Variants in IKZF4 observed in about 807,000 individuals in gnomAD.
The protein encoded by IKZF4 is IKAROS family zinc finger 4, also known as zinc finger protein Eos.
A neutral mutation model predicts 47.7 loss-of-function variants in IKZF4; 11 were observed. The ratio of observed to expected loss-of-function variants is 0.23; its 90% CI spans 0.15 to 0.38. The LOEUF is 0.38. Ranked by LOEUF, IKZF4 falls within the 10% of genes least tolerant of loss-of-function variation. The pLI is 1.00. For synonymous variants in IKZF4, 298 were observed against 299.4 expected, an observed-to-expected ratio of 1.00 and a Z score of 0.05; for missense variants, 557 against 784.9, an observed-to-expected ratio of 0.71 and a Z score of 3.47.
intron 3 of IKZF4, among the ~76,000 whole-genome samples, chr12:56,025,609 C>T (rs929270671): frequency 9.2e-5 from 14 of 152,108 alleles, no homozygotes; most frequent in African/African-American, 2.4e-4. Flanking sequence ...GAATGTAGGT[C>T]GGAGCTAGAG....
At chr12:56,023,559 T>A (rs1362421176) in intron 1 of IKZF4, 112 bp from the exon 2 acceptor site, 8 of 1,290,056 alleles carry the variant, frequency 6.2e-6, no homozygotes, top group Non-Finnish European at 8.4e-6. Context: ...TAGTGAACAT[T>A]TTTCCTCAGG....
Position 56,021,163 on chromosome 12 carries a change from C to G in IKZF4, c.-331C>G. On this transcript the variant is annotated 5_prime_UTR_variant, in exon 1 of 8. Coordinates refer to ENST00000547167, the MANE Select transcript of IKZF4 (RefSeq NM_022465.4). ...ACCCACCACCCACCCCCTTCACTGT[C>G]TTGGAAAAGGGATGCTGTAGCCTAG... 7.4e-7 allele frequency: 1 copy of G among 1,356,818 alleles called. No homozygotes were observed. Among genetic ancestry groups the G allele is most frequent in the Non-Finnish European group, 9.5e-7 (1 of 1,052,440 alleles). 84.0% of individuals were successfully genotyped at this position (1,356,818 alleles called of 1,614,324 possible). A position where few individuals can be genotyped will look rare whatever the true frequency, so the allele number is the denominator to read the frequency against.
At chr12:56,032,525 A>G (rs929794572) in intron 5 of IKZF4, 36 bp from the exon 6 acceptor site, 19 of 1,581,082 alleles carry the variant, frequency 1.2e-5, no homozygotes, top group Admixed American at 1.9e-5. Context: ...ACAGCGAGAA[A>G]TAGCTCTGAT....
chr12:56,024,041 T>C (rs1012980745), intron 2 of IKZF4: 1 of 595,990 alleles, frequency 1.7e-6, no homozygotes, highest in African/African-American at 2.0e-5. Flanking sequence ...TTATTTCACC[T>C]ATATATTTGT....
Position 56,034,823 on chromosome 12 carries a change from G to A in IKZF4, c.1250G>A (p.Gly417Glu), listed in dbSNP as rs750372073. Residue 417 changes from glycine to glutamate, a missense_variant, in exon 8 of 8, where the codon GGA (glycine) becomes GAA (glutamate). This residue lies in a region of IKZF4 where 280 missense variants were observed against 314.0 expected (regional missense o/e 0.89). Transcript: ENST00000547167. ...QPLPGRLELP[G>E]SREAGEGPED... ...CTCCCTGGTCGACTGGAGCTTCCAGGATCCCGAGAAGCAGGTGAGGGACCT... is the reference window on the plus strand; with the variant it reads ...CTCCCTGGTCGACTGGAGCTTCCAGAATCCCGAGAAGCAGGTGAGGGACCT... 7 of 1,613,962 alleles carry A rather than the reference G, an allele frequency of 4.3e-6. No homozygotes were observed. The highest frequency in any genetic ancestry group is 5.9e-6 in the Non-Finnish European group (7 of 1,179,882).
intron 7 of IKZF4, among the ~76,000 whole-genome samples, chr12:56,034,360 T>TA (rs557165424): frequency 5.3e-5 from 8 of 152,092 alleles, no homozygotes; most frequent in Non-Finnish European, 1.0e-4. Flanking sequence ...AATGAAGTAT[T>TA]AAAAATCAAT....
intron 3 of IKZF4, among the ~76,000 whole-genome samples, chr12:56,026,515 C>A: frequency 6.6e-6 from 1 of 151,778 alleles, no homozygotes; most frequent in East Asian, 2.0e-4. Context: ...CATGGAGAAA[C>A]CCTGTCTGTT....
chr12:56,028,634 G>A (rs557342943), intron 5 of IKZF4, among the ~76,000 whole-genome samples: 1 of 151,480 alleles, frequency 6.6e-6, no homozygotes, highest in Non-Finnish European at 1.5e-5. Flanking sequence ...CCAGGCTGGA[G>A]TGTAGTGGTG....
rs927695238 is a variant in IKZF4 at position 56,021,398 on chromosome 12, C to A, written c.-96C>A. 12 of 1,550,338 alleles carry A rather than the reference C, an allele frequency of 7.7e-6. No individual in the cohort carries two copies. The African/African-American group carries it at 1.4e-4, about 18-fold the overall frequency. The stretch of plus-strand genomic sequence containing the variant: ...CTGCTCACCGTGCCGCTGCTGCTGC[C>A]TGCGAAATGACGGCGGTTCCCCTCA... On this transcript the variant is annotated 5_prime_UTR_variant, in exon 1 of 8. It adds an upstream start codon to the 5' untranslated region. Transcript: ENST00000547167.
chr12:56,020,905 GA>G, upstream of IKZF4: 1 of 992,118 alleles, frequency 1.0e-6, no homozygotes. Context: ...TGAGAGCCTT[GA>G]AGCTGTCCGT....
intron 5 of IKZF4, among the ~76,000 whole-genome samples, chr12:56,031,444 T>C (rs1251922320): frequency 6.6e-6 from 1 of 152,166 alleles, no homozygotes; most frequent in African/African-American, 2.4e-5. Flanking sequence ...CTCTCCCAGA[T>C]GTTAAACTGT....
chr12:56,025,294 G>C, intron 3 of IKZF4, 136 bp downstream of exon 3: 1 of 983,786 alleles, frequency 1.0e-6, no homozygotes, highest in Non-Finnish European at 1.5e-6. Flanking sequence ...AGAGCAATGA[G>C]GAGCCCAGTG....
At position 56,038,435 on chromosome 12, in the gene IKZF4, C is replaced by T. The variant is rs1895800460; in HGVS notation, c.*3104C>T. On this transcript the variant is annotated 3_prime_UTR_variant, in exon 8 of 8. Transcript: ENST00000547167. ...TAAATAAACATGAGTAATTTAACAC[C>T]TCTGGTTGTTTTTGCAGACTTCCTT... 1 of 152,548 alleles carries T rather than the reference C, an allele frequency of 6.6e-6. No individual in the cohort carries two copies. The highest frequency in any genetic ancestry group is 1.5e-5 in the Non-Finnish European group (1 of 68,034). The allele number at this position is 152,548 out of a possible 1,614,324, so 9.4% of individuals were successfully genotyped here. A position where few individuals can be genotyped will look rare whatever the true frequency, so the allele number is the denominator to read the frequency against.
chr12:56,017,934 C>T (rs1311038913), upstream of IKZF4, among the ~76,000 whole-genome samples: 1 of 152,184 alleles, frequency 6.6e-6, no homozygotes, highest in Admixed American at 6.5e-5. Context: ...GTGATCCTCC[C>T]ACCTTCTTTC....
At position 56,021,540 on chromosome 12, in the gene IKZF4, G is replaced by A. The variant is rs764431398; in HGVS notation, c.47G>A (p.Arg16His). 8 of 1,609,330 alleles carry A rather than the reference G, an allele frequency of 5.0e-6. No homozygotes were observed. The highest frequency in any genetic ancestry group is 2.7e-5 in the African/African-American group (2 of 74,730). ...ALPRRFQGGG[R>H]VRTPGSHRQG... is the part of the protein sequence containing the mutation. Reference sequence around the variant, plus strand: ...CCTCGCCGTTTCCAAGGCGGCGGCCGCGTTCGCACCCCAGGGTCTCACCGG... The same window carrying A: ...CCTCGCCGTTTCCAAGGCGGCGGCCACGTTCGCACCCCAGGGTCTCACCGG... The change falls in exon 1 of 8, where the codon CGC (arginine) becomes CAC (histidine). Residue 16 changes from arginine to histidine, a missense_variant. By Grantham distance (29) the Arg-to-His change is conservative. Transcript: ENST00000547167.
At chr12:56,028,057 G>A (rs926054098) in intron 5 of IKZF4, 110 bp downstream of exon 5, 7 of 1,234,392 alleles carry the variant, frequency 5.7e-6, no homozygotes, top group Admixed American at 3.2e-5. Context: ...CATTGAGGAG[G>A]GGGGAGCATT....
At chr12:56,020,228 C>G (rs1236056700), upstream of IKZF4, among the ~76,000 whole-genome samples, 1 of 152,254 alleles carries the variant, frequency 6.6e-6, no homozygotes, top group Non-Finnish European at 1.5e-5. Context: ...TTGAATTCCT[C>G]ACAGAATGTG....
intron 1 of IKZF4, chr12:56,010,144 G>C (rs542942881): frequency 6.6e-6 from 1 of 152,296 alleles, no homozygotes; most frequent in East Asian, 1.9e-4. Flanking sequence ...GTGGGACCCT[G>C]TGAGTGTGGA....
intron 1 of IKZF4, chr12:56,022,010 G>T: frequency 5.0e-6 from 1 of 199,156 alleles, no homozygotes. Context: ...CCACAAAAGA[G>T]CTGAGGATGG....
Sources: allele counts gnomAD v4.1 joint callset (sites outside exome capture counted in the v4.1 genomes callset), GRCh38; gene constraint gnomAD v4.1.1; regional missense constraint gnomAD v4.1.1; transcripts MANE v1.5; gene names NCBI Gene and HGNC (gene_info 2026-07-23, HGNC 2026-07-21).